The following EDA variants were observed in gnomAD, a reference collection of about 807,000 sequenced individuals.
EDA encodes ectodysplasin A, also known as ectodysplasin-A.
In EDA, 2 loss-of-function variants were observed where a neutral mutation model predicts 23.6. The observed-to-expected ratio is 0.08, with a 90% CI of 0.03 to 0.27. EDA has a LOEUF of 0.27. Among genes scored for constraint, EDA ranks in the 10% least tolerant of loss-of-function variants. EDA has a pLI of 1.00. For missense variants in EDA, 229 were observed against 324.2 expected, an observed-to-expected ratio of 0.71 and a Z score of 2.26; for synonymous variants, 131 against 132.0, an observed-to-expected ratio of 0.99 and a Z score of 0.05.
intron 1 of EDA, among the ~76,000 whole-genome samples, chrX:69,935,707 G>GGGTA (rs762344183): frequency 5.4e-5 from 6 of 110,352 alleles, no homozygotes; most frequent in African/African-American, 2.0e-4. Context: ...AATCATTTCA[G>GGGTA]GGTAGGGTTA....
intron 2 of EDA, among the ~76,000 whole-genome samples, chrX:69,982,714 T>A (rs1314098631): frequency 2.0e-5 from 2 of 99,769 alleles, no homozygotes; most frequent in Non-Finnish European, 4.0e-5. Flanking sequence ...GGTGTGGTGC[T>A]GAAAAAAATG....
At chrX:69,735,592 T>C (rs1318533743) in intron 1 of EDA, among the ~76,000 whole-genome samples, 1 of 111,735 alleles carries the variant, frequency 8.9e-6, no homozygotes, top group African/African-American at 3.3e-5. Context: ...GTTCTGTGCA[T>C]GTACAGCTTA....
At chrX:69,973,941 C>T (rs1185259961) in intron 2 of EDA, among the ~76,000 whole-genome samples, 1 of 109,645 alleles carries the variant, frequency 9.1e-6, no homozygotes, top group Non-Finnish European at 1.9e-5. Flanking sequence ...TAAAGACAAA[C>T]CTAATTTAAT....
chrX:69,884,358 G>A (rs781485957), intron 1 of EDA, among the ~76,000 whole-genome samples: 45 of 112,194 alleles, frequency 4.0e-4, no homozygotes, highest in South Asian at 1.8e-3. Flanking sequence ...TAGGCAAGGA[G>A]TCTCTTGTAG....
intron 1 of EDA, among the ~76,000 whole-genome samples, chrX:69,801,571 T>G (rs2015686428): frequency 9.0e-6 from 1 of 111,561 alleles, no homozygotes; most frequent in African/African-American, 3.3e-5. Flanking sequence ...ATAATTAAAA[T>G]GTGAAACAAA....
At chrX:69,688,926 A>G (rs1934624213) in intron 1 of EDA, among the ~76,000 whole-genome samples, 1 of 112,262 alleles carries the variant, frequency 8.9e-6, no homozygotes, top group African/African-American at 3.2e-5. Context: ...TTTAATTTTT[A>G]TACGTGGTGT....
chrX:69,806,439 G>T (rs544878326), intron 1 of EDA, among the ~76,000 whole-genome samples: 2 of 110,662 alleles, frequency 1.8e-5, no homozygotes, highest in East Asian at 5.7e-4. Flanking sequence ...TATTTAGTTG[G>T]CAGTACATAT....
rs2020184034 is a variant in EDA, at chrX:70,030,530, A to G, written c.793+10A>G. On this transcript the variant is annotated intron_variant, in intron 6 of 7. Transcript: ENST00000374552. ...ATTCAAGTCAAGAATGGTAAGAATC[A>G]AAATAGGCTCTCTCCCAAAGAGGAG... The G allele has an allele frequency of 2.5e-6, 3 of 1,189,228 alleles. No homozygotes were observed. In the East Asian group the frequency reaches 9.0e-5, roughly 36 times the overall value.
At chrX:69,814,114 G>A (rs2016023202) in intron 1 of EDA, among the ~76,000 whole-genome samples, 1 of 112,600 alleles carries the variant, frequency 8.9e-6, no homozygotes, top group Non-Finnish European at 1.9e-5. Context: ...CTACATTTTG[G>A]CCATGAAAAC....
Position 69,785,953 on chromosome X carries a change from T to C in EDA, c.396+169249T>C, listed in dbSNP as rs1391888878. Among the ~76,000 whole-genome samples the C allele has an allele frequency of 2.7e-5, 3 of 111,282 alleles. No individual in the cohort carries two copies. In the East Asian group the frequency reaches 8.5e-4, roughly 31 times the overall value. On this transcript the variant is annotated intron_variant, in intron 1 of 7. Transcript: ENST00000374552. ...TCTTTTTGGTTGGTAAGCTATTGATTATTGCCGCAATTTCAGCTCCTGTTA... is the reference window on the plus strand; with the variant it reads ...TCTTTTTGGTTGGTAAGCTATTGATCATTGCCGCAATTTCAGCTCCTGTTA...
chrX:69,800,654 T>A (rs2015662291), intron 1 of EDA, among the ~76,000 whole-genome samples: 1 of 111,980 alleles, frequency 8.9e-6, no homozygotes, highest in Admixed American at 9.5e-5. Flanking sequence ...GTATCTGAAC[T>A]TCTATCAGCC....
At chrX:69,655,708 G>C (rs1602258225) in intron 1 of EDA, among the ~76,000 whole-genome samples, 1 of 95,772 alleles carries the variant, frequency 1.0e-5, no homozygotes, top group African/African-American at 4.1e-5. Context: ...TGTATATGTG[G>C]TGGAGGGGGA....
intron 1 of EDA, among the ~76,000 whole-genome samples, chrX:69,929,205 T>C (rs1162967641): frequency 9.0e-6 from 1 of 111,497 alleles, no homozygotes; most frequent in Non-Finnish European, 1.9e-5. Flanking sequence ...GACTGGCAAG[T>C]GCTCAAGGAT....
intron 1 of EDA, among the ~76,000 whole-genome samples, chrX:69,919,305 C>A (rs1348322104): frequency 8.9e-6 from 1 of 112,249 alleles, no homozygotes; most frequent in Admixed American, 9.5e-5. Context: ...GAGAATATAA[C>A]TAGGGCTAAT....
rs754981946 is a variant in EDA, at chrX:70,023,478, C to CTTT, written c.526+263_526+265dup. 2.0e-3 allele frequency among the ~76,000 whole-genome samples: 66 copies of CTTT among 33,486 alleles called. 8 individuals carry two copies. The highest frequency in any genetic ancestry group is 6.8e-3 in the African/African-American group (49 of 7,160). The allele number at this position is 33,486 out of a possible 115,157, so 29.1% of individuals were successfully genotyped here. Reference sequence around the variant, plus strand: ...TCTTCTCCCTGCCCTTCTTTTTATTCTTTTTTTTTTTTTTTTTTTTTTTTT... The same window carrying CTTT: ...TCTTCTCCCTGCCCTTCTTTTTATTCTTTTTTTTTTTTTTTTTTTTTTTTTTTT... On this transcript the variant is annotated intron_variant, in intron 3 of 7. Coordinates refer to ENST00000374552, the MANE Select transcript of EDA (RefSeq NM_001399.5).
At chrX:69,882,541 A>C (rs2017763563) in intron 1 of EDA, among the ~76,000 whole-genome samples, 1 of 111,953 alleles carries the variant, frequency 8.9e-6, no homozygotes, top group Admixed American at 9.5e-5. Flanking sequence ...TGAGGTCCCC[A>C]GTAGAAGTGT....
intron 1 of EDA, among the ~76,000 whole-genome samples, chrX:69,677,325 G>A (rs1360872097): frequency 1.5e-4 from 17 of 109,951 alleles, no homozygotes; most frequent in Non-Finnish European, 2.5e-4. Context: ...ATGATTTATA[G>A]TCCTTTGGGT....
intron 1 of EDA, among the ~76,000 whole-genome samples, chrX:69,636,091 C>T (rs1932768773): frequency 9.0e-6 from 1 of 110,965 alleles, no homozygotes. Flanking sequence ...TTGTCCCCTC[C>T]AAATCTCATG....
At chrX:69,744,619 A>G (rs1343338353) in intron 1 of EDA, among the ~76,000 whole-genome samples, 2 of 112,251 alleles carry the variant, frequency 1.8e-5, no homozygotes, top group African/African-American at 6.5e-5. Flanking sequence ...AAGTAGTACT[A>G]TGGGCTTAAA....
Sources: allele counts gnomAD v4.1 joint callset (sites outside exome capture counted in the v4.1 genomes callset), GRCh38; gene constraint gnomAD v4.1.1; transcripts MANE v1.5; gene names NCBI Gene and HGNC (gene_info 2026-07-23, HGNC 2026-07-21).